The following EP300 variants were observed in gnomAD, a reference collection of about 807,000 sequenced individuals.
EP300 encodes histone acetyltransferase p300.
A neutral mutation model predicts 264.0 loss-of-function variants in EP300; 31 were observed. The observed-to-expected ratio is 0.12, with a 90% CI of 0.09 to 0.16. The LOEUF (loss-of-function observed/expected upper bound fraction) is 0.16. Among genes scored for constraint, EP300 ranks in the 10% least tolerant of loss-of-function variants. The pLI is 1.00. For synonymous variants in EP300, 1,340 were observed against 1,045.4 expected (o/e 1.28, Z -5.44); for missense variants, 2,766 against 3,052.9 (o/e 0.91, Z 2.21).
At chr22:41,165,484 C>T (rs201096676) in intron 22 of EP300, among the ~76,000 whole-genome samples, 1 of 151,536 alleles carries the variant, frequency 6.6e-6, no homozygotes, top group African/African-American at 2.4e-5. Flanking sequence ...AGTGCAGTGG[C>T]GCGATCTCGG....
intron 12 of EP300, chr22:41,148,749 A>G (rs1173439110): frequency 3.0e-5 from 14 of 463,190 alleles, no homozygotes; most frequent in Admixed American, 7.2e-5. Context: ...ATTACCTGCT[A>G]TCCTTGTGCT....
intron 10 of EP300, among the ~76,000 whole-genome samples, chr22:41,144,501 ACGC>A (rs2059000131): frequency 6.6e-6 from 1 of 151,706 alleles, no homozygotes; most frequent in Admixed American, 6.6e-5. Flanking sequence ...CCACAGGCAC[ACGC>A]CACCATGCCT....
At chr22:41,139,559 T>C (rs1220438785) in intron 8 of EP300, among the ~76,000 whole-genome samples, 1 of 152,198 alleles carries the variant, frequency 6.6e-6, no homozygotes, top group African/African-American at 2.4e-5. Context: ...CAAATAAAAT[T>C]AGTGCCTAAA....
At position 41,176,565 on chromosome 22, in the gene EP300, C is replaced by T. The variant is rs377096214; in HGVS notation, c.5061+37C>T. 268 of 1,612,590 alleles carry T rather than the reference C, an allele frequency of 1.7e-4. No individual in the cohort carries two copies. Among genetic ancestry groups the T allele is most frequent in the South Asian group, 1.5e-3 (141 of 90,994 alleles). On this transcript the variant is annotated intron_variant, in intron 30 of 30. Transcript: ENST00000263253. ...GTTGTGGGAAGGAGGAGGTGAGCTC[C>T]GCAGGGTTGTTCTGAGGGGCCATGC...
At position 41,112,007 on chromosome 22, in the gene EP300, C is replaced by T. The variant is rs11704042; in HGVS notation, c.95-5180C>T. Among the ~76,000 whole-genome samples the T allele has an allele frequency of 2.1e-3, 313 of 151,314 alleles. 1 individual carries two copies. Among genetic ancestry groups the T allele is most frequent in the Non-Finnish European group, 3.3e-3 (224 of 67,888 alleles). On this transcript the variant is annotated intron_variant, in intron 1 of 30. Coordinates refer to ENST00000263253, the MANE Select transcript of EP300 (RefSeq NM_001429.4). ...GGTTCACGCCATCCTCCTGCCTCAG[C>T]CTCCCGAGTAGCTGGGACTACAGGC...
chr22:41,142,027 G>A (rs1451437828), intron 10 of EP300, among the ~76,000 whole-genome samples: 1 of 152,132 alleles, frequency 6.6e-6, no homozygotes, highest in Non-Finnish European at 1.5e-5. Context: ...TCTGATTATA[G>A]CATCATTGTT....
At chr22:41,100,914 A>G (rs922929309) in intron 1 of EP300, among the ~76,000 whole-genome samples, 1 of 152,250 alleles carries the variant, frequency 6.6e-6, no homozygotes, top group South Asian at 2.1e-4. Context: ...CATGTCACGT[A>G]TACAAGACAT....
Position 41,149,300 on chromosome 22 carries a change from A to G in EP300, c.2379+125A>G, listed in dbSNP as rs2059029613. The G allele has an allele frequency of 7.0e-6, 8 of 1,135,786 alleles. No individual in the cohort carries two copies. In the South Asian group the frequency reaches 1.0e-4, roughly 15 times the overall value. 70.4% of individuals were successfully genotyped at this position (1,135,786 alleles called of 1,614,324 possible). ...ACAGATGATTTTTTAAAAAATAACA[A>G]TTTTGGACTTAGGGTATTCTGAACA... On this transcript the variant is annotated intron_variant, in intron 13 of 30. Transcript: ENST00000263253.
At position 41,131,595 on chromosome 22, in the gene EP300, G is replaced by C. The variant is rs886241076; in HGVS notation, c.1490G>C (p.Gly497Ala). ...AAGAACCAGCAGAATCAGCAGCCTGGGCAGTCTCCCCAAGGCATGCGGCCC... is the reference window on the plus strand; with the variant it reads ...AAGAACCAGCAGAATCAGCAGCCTGCGCAGTCTCCCCAAGGCATGCGGCCC... ...QAKNQQNQQPGQSPQGMRPMS... is the reference protein window; with the variant it reads ...QAKNQQNQQPAQSPQGMRPMS... Residue 497 changes from glycine (G) to alanine (A), a missense_variant, in exon 6 of 31, where the codon GGG becomes GCG. Physicochemically the swap from Gly to Ala is moderately conservative, Grantham distance 60. Coordinates refer to ENST00000263253, the MANE Select transcript of EP300 (RefSeq NM_001429.4). The C allele has an allele frequency of 6.2e-7, 1 of 1,613,936 alleles. No individual in the cohort carries two copies. The highest frequency in any genetic ancestry group is 1.3e-5 in the African/African-American group (1 of 74,870).
intron 2 of EP300, among the ~76,000 whole-genome samples, chr22:41,119,171 TATTA>T (rs1207708024): frequency 5.7e-5 from 6 of 104,988 alleles, no homozygotes; most frequent in East Asian, 2.8e-4. Flanking sequence ...CCTGGCTTAT[TATTA>T]TTTTTTTTTT....
Position 41,170,386 on chromosome 22 carries a change from C to G in EP300, c.4287-20C>G. 9 of 1,609,790 alleles carry G rather than the reference C, an allele frequency of 5.6e-6. No individual in the cohort carries two copies. Among genetic ancestry groups the G allele is most frequent in the Non-Finnish European group, 7.7e-6 (9 of 1,176,178 alleles). ...TAGATTATCTCTTTTCCTTAATGTT[C>G]TTTCTCTTTGTATTGTTAGTTACAC... On this transcript the variant is annotated intron_variant, in intron 26 of 30. Coordinates refer to ENST00000263253, the MANE Select transcript of EP300 (RefSeq NM_001429.4).
chr22:41,137,661 T>G lies in EP300; in HGVS notation c.1631T>G (p.Met544Arg). ...GTGACCCCTTTTTGAAGCCCAATGATGAGTGAAAATGCCAGTGTGCCCTCC... is the reference window on the plus strand; with the variant it reads ...GTGACCCCTTTTTGAAGCCCAATGAGGAGTGAAAATGCCAGTGTGCCCTCC... ...HSAINSQNPMMSENASVPSLG... is the reference protein window; with the variant it reads ...HSAINSQNPMRSENASVPSLG... Residue 544 changes from methionine to arginine, a missense_variant, in exon 8 of 31, where the codon ATG becomes AGG. Physicochemically the swap from Met to Arg is moderately conservative, Grantham distance 91 (BLOSUM62 -1). Transcript: ENST00000263253. 1 of 1,614,200 alleles carries G rather than the reference T, an allele frequency of 6.2e-7. No individual in the cohort carries two copies. The highest frequency in any genetic ancestry group is 8.5e-7 in the Non-Finnish European group (1 of 1,180,032).
chr22:41,171,248 C>G (rs900838817), intron 27 of EP300, among the ~76,000 whole-genome samples: 2 of 151,950 alleles, frequency 1.3e-5, no homozygotes, highest in African/African-American at 4.8e-5. Context: ...GCTGGGATTA[C>G]AGGCATGAGC....
intron 24 of EP300, 47 bp downstream of exon 24, chr22:41,168,646 T>C (rs773101170): frequency 6.2e-6 from 10 of 1,614,220 alleles, no homozygotes; most frequent in Non-Finnish European, 8.5e-6. Flanking sequence ...CCAAAATTGC[T>C]CATACATGGT....
At chr22:41,162,578 T>C in intron 20 of EP300, 145 bp from the exon 21 acceptor site, 2 of 655,282 alleles carry the variant, frequency 3.1e-6, no homozygotes, top group East Asian at 5.5e-5. Context: ...GCATTTTGTG[T>C]GAGCCAAGAA....
Position 41,179,880 on chromosome 22 carries a change from T to TCACACACACACA in EP300, c.*956_*967dup, listed in dbSNP as rs59721178. On this transcript the variant is annotated 3_prime_UTR_variant, in exon 31 of 31. Transcript: ENST00000263253. ...TCTTCCTCCTTACCCTACCCCCCAC[T>TCACACACACACA]CACACACACACACACACACACACAC... 41 of 167,194 alleles carry TCACACACACACA rather than the reference T, an allele frequency of 2.5e-4. 1 individual carries two copies. The highest frequency in any genetic ancestry group is 5.0e-4 in the African/African-American group (20 of 39,900). 10.4% of individuals were successfully genotyped at this position (167,194 alleles called of 1,614,324 possible). A position where few individuals can be genotyped will look rare whatever the true frequency, so the allele number is the denominator to read the frequency against.
At chr22:41,097,072 C>T (rs2058706628) in intron 1 of EP300, among the ~76,000 whole-genome samples, 1 of 152,176 alleles carries the variant, frequency 6.6e-6, no homozygotes, top group African/African-American at 2.4e-5. Flanking sequence ...GAGTTTGCTT[C>T]TGGAGTCTTG....
intron 6 of EP300, among the ~76,000 whole-genome samples, chr22:41,134,368 T>C (rs1477242529): frequency 6.8e-6 from 1 of 147,016 alleles, no homozygotes; most frequent in East Asian, 1.9e-4. Context: ...GAAACGTACG[T>C]GTGTGTGTGT....
intron 3 of EP300, among the ~76,000 whole-genome samples, chr22:41,126,728 A>ATTTTTTTT (rs2058884553): frequency 1.8e-5 from 1 of 54,390 alleles, no homozygotes; most frequent in African/African-American, 7.0e-5. Flanking sequence ...AGAAATGTTC[A>ATTTTTTTT]CTTTTTTTTT....
Sources: allele counts gnomAD v4.1 joint callset (sites outside exome capture counted in the v4.1 genomes callset), GRCh38; gene constraint gnomAD v4.1.1; transcripts MANE v1.5; gene names NCBI Gene and HGNC (gene_info 2026-07-23, HGNC 2026-07-21).